The following THSD7B variants were observed in gnomAD, a reference collection of about 807,000 sequenced individuals.
THSD7B encodes the protein thrombospondin type-1 domain-containing protein 7B.
Under a neutral mutation model 213.6 loss-of-function variants are expected in THSD7B, and 138 were observed. That is an observed-to-expected ratio of 0.65 (90% CI 0.56 to 0.74). THSD7B has a LOEUF of 0.74. THSD7B is among the 30% of genes least tolerant of loss of function. The pLI is 0.00. For missense variants in THSD7B, 1,931 were observed against 1,991.5 expected (o/e 0.97, Z 0.58); for synonymous variants, 742 against 687.0 (o/e 1.08, Z -1.25).
At chr2:137,275,163 A>G (rs1168708050) in intron 11 of THSD7B, among the ~76,000 whole-genome samples, 1 of 152,100 alleles carries the variant, frequency 6.6e-6, no homozygotes, top group Non-Finnish European at 1.5e-5. Context: ...TGACCTGAGA[A>G]AGAAAAGCCA....
intron 15 of THSD7B, among the ~76,000 whole-genome samples, chr2:137,550,828 G>A (rs1385913499): frequency 6.6e-6 from 1 of 151,992 alleles, no homozygotes; most frequent in African/African-American, 2.4e-5. Context: ...CAGGCCAGAG[G>A]GAAAGGGTTA....
intron 7 of THSD7B, among the ~76,000 whole-genome samples, chr2:137,197,763 G>A (rs1192957973): frequency 6.6e-6 from 1 of 152,150 alleles, no homozygotes; most frequent in African/African-American, 2.4e-5. Context: ...ACATTTTAGG[G>A]CATTGGCACT....
In THSD7B at chr2:137,411,904, A is replaced by G. The variant is rs528061402; in HGVS notation, c.2959+32A>G. ...AGATGGATGGAGAGTAACAGATGAGAACACTCACACACAGCTCGGGAGGTT... is the reference window on the plus strand; with the variant it reads ...AGATGGATGGAGAGTAACAGATGAGGACACTCACACACAGCTCGGGAGGTT... On this transcript the variant is annotated intron_variant, in intron 14 of 27. Coordinates refer to ENST00000409968, the MANE Select transcript of THSD7B (RefSeq NM_001316349.2). 37 of 1,611,600 alleles carry G rather than the reference A, an allele frequency of 2.3e-5. No homozygotes were observed. In the East Asian group the frequency reaches 8.0e-4, roughly 35 times the overall value.
chr2:137,509,704 G>T (rs886868869), intron 15 of THSD7B, among the ~76,000 whole-genome samples: 2 of 151,910 alleles, frequency 1.3e-5, no homozygotes, highest in African/African-American at 4.8e-5. Context: ...ACTGAGTTTT[G>T]GCTACTACCA....
At chr2:137,089,317 T>A (rs893414218) in intron 3 of THSD7B, among the ~76,000 whole-genome samples, 6 of 148,656 alleles carry the variant, frequency 4.0e-5, no homozygotes, top group Non-Finnish European at 3.0e-5. Context: ...TATGTATATA[T>A]ACATATATGT....
chr2:137,038,739 A>G (rs993484547), intron 2 of THSD7B, among the ~76,000 whole-genome samples: 2 of 152,230 alleles, frequency 1.3e-5, no homozygotes, highest in African/African-American at 4.8e-5. Context: ...TACAACTGCA[A>G]TCTGTACCAT....
chr2:137,352,777 A>C (rs1025259845), intron 12 of THSD7B, among the ~76,000 whole-genome samples: 14 of 152,066 alleles, frequency 9.2e-5, no homozygotes, highest in African/African-American at 2.4e-5. Flanking sequence ...ACTCTTCGTG[A>C]AAATGTTTAA....
intron 2 of THSD7B, among the ~76,000 whole-genome samples, chr2:136,944,620 T>G (rs1337660453): frequency 6.6e-6 from 1 of 152,178 alleles, no homozygotes; most frequent in Non-Finnish European, 1.5e-5. Flanking sequence ...GTTGAATTGA[T>G]CCCTTTACCA....
intron 1 of THSD7B, among the ~76,000 whole-genome samples, chr2:136,843,183 A>T (rs1364600923): frequency 6.8e-6 from 1 of 147,920 alleles, no homozygotes; most frequent in Non-Finnish European, 1.5e-5. Flanking sequence ...CACTGTTTAT[A>T]CTTCTATTGT....
rs188298809 is a variant in THSD7B at position 137,391,681 on chromosome 2, G to A, written c.2501-13932G>A. On this transcript the variant is annotated intron_variant, in intron 12 of 27. Transcript: ENST00000409968. ...CAGACTGGACAACAGAGTGACATTC[G>A]GTCTCAAAAAAAAAAAAAAACCAAC... 6.3e-5 allele frequency among the ~76,000 whole-genome samples: 9 copies of A among 142,270 alleles called. No individual in the cohort carries two copies. In the South Asian group the frequency reaches 6.8e-4, roughly 11 times the overall value. 93.3% of individuals were successfully genotyped at this position (142,270 alleles called of 152,430 possible). A position where few individuals can be genotyped will look rare whatever the true frequency, so the allele number is the denominator to read the frequency against.
At chr2:137,188,126 A>G (rs922929334) in intron 7 of THSD7B, among the ~76,000 whole-genome samples, 3 of 152,292 alleles carry the variant, frequency 2.0e-5, no homozygotes, top group South Asian at 2.1e-4. Flanking sequence ...CCCAATGACA[A>G]TGTAGGAATC....
rs532400414 is a variant in THSD7B, at chr2:136,944,280, C to G, written c.139+61963C>G. ...TGTGATTTCTGTTCTTTCACATTTG[C>G]TGAGGAGTGCTTTGCTTCCAACTAT... On this transcript the variant is annotated intron_variant, in intron 2 of 27. Coordinates refer to ENST00000409968, the MANE Select transcript of THSD7B (RefSeq NM_001316349.2). Among the ~76,000 whole-genome samples, 5 of 152,256 alleles carry G rather than the reference C, an allele frequency of 3.3e-5. No homozygotes were observed. In the East Asian group the frequency reaches 9.6e-4, roughly 29 times the overall value.
At chr2:137,298,845 C>A (rs1053726219) in intron 12 of THSD7B, among the ~76,000 whole-genome samples, 1 of 152,200 alleles carries the variant, frequency 6.6e-6, no homozygotes, top group African/African-American at 2.4e-5. Flanking sequence ...ACTGGATGCC[C>A]AGGCAGAAGT....
intron 12 of THSD7B, among the ~76,000 whole-genome samples, chr2:137,337,412 G>A (rs890372668): frequency 6.6e-6 from 1 of 152,022 alleles, no homozygotes; most frequent in Non-Finnish European, 1.5e-5. Context: ...ATTAGATTGA[G>A]GTTACACTTT....
chr2:137,105,188 A>G (rs562470834), intron 4 of THSD7B, among the ~76,000 whole-genome samples: 2 of 152,348 alleles, frequency 1.3e-5, no homozygotes, highest in African/African-American at 4.8e-5. Flanking sequence ...ATCCAGCAGC[A>G]CAGCAAAAAG....
At chr2:137,159,040 C>A (rs1284326855) in intron 5 of THSD7B, among the ~76,000 whole-genome samples, 1 of 152,092 alleles carries the variant, frequency 6.6e-6, no homozygotes, top group East Asian at 1.9e-4. Flanking sequence ...AGTGTCATCT[C>A]CAAGTATTAC....
chr2:137,423,248 T>C (rs1686966945), intron 14 of THSD7B, among the ~76,000 whole-genome samples: 1 of 152,150 alleles, frequency 6.6e-6, no homozygotes, highest in South Asian at 2.1e-4. Context: ...AGAATGTCTA[T>C]TCTCAAATTC....
chr2:137,141,881 T>A (rs922777623), intron 5 of THSD7B, among the ~76,000 whole-genome samples: 6 of 152,150 alleles, frequency 3.9e-5, no homozygotes, highest in Admixed American at 3.9e-4. Flanking sequence ...GCTATCACCC[T>A]TGTCTCCTAA....
intron 15 of THSD7B, among the ~76,000 whole-genome samples, chr2:137,529,074 A>G (rs1405780222): frequency 6.6e-6 from 1 of 152,066 alleles, no homozygotes; most frequent in Non-Finnish European, 1.5e-5. Flanking sequence ...AGTGATAGGG[A>G]GATATTAAAT....
Sources: allele counts gnomAD v4.1 joint callset (sites outside exome capture counted in the v4.1 genomes callset), GRCh38; gene constraint gnomAD v4.1.1; transcripts MANE v1.5; gene names NCBI Gene and HGNC (gene_info 2026-07-23, HGNC 2026-07-21).